Variants in KAT7 observed in about 807,000 individuals in gnomAD.
The protein encoded by KAT7 is histone acetyltransferase KAT7.
KAT7 carries 10 observed loss-of-function variants against 82.1 expected under a neutral mutation model. The ratio of observed to expected loss-of-function variants is 0.12; its 90% CI spans 0.08 to 0.21. KAT7 has a LOEUF of 0.21. Among genes scored for constraint, KAT7 ranks in the 10% least tolerant of loss-of-function variants. The pLI, the probability that KAT7 is intolerant of heterozygous loss-of-function variation, is 1.00. For missense variants in KAT7, 378 were observed against 760.9 expected, an observed-to-expected ratio of 0.50 and a Z score of 5.92; for synonymous variants, 250 against 262.5, an observed-to-expected ratio of 0.95 and a Z score of 0.46.
chr17:49,810,179 C>T (rs537244573), intron 6 of KAT7, among the ~76,000 whole-genome samples: 2 of 152,198 alleles, frequency 1.3e-5, no homozygotes, highest in Non-Finnish European at 2.9e-5. Context: ...TACCTATACC[C>T]AGTGCTTGGC....
At position 49,796,744 on chromosome 17, in the gene KAT7, G is replaced by A. The variant is rs754196229; in HGVS notation, c.164-6G>A. 46 of 1,536,164 alleles carry A rather than the reference G, an allele frequency of 3.0e-5. No individual in the cohort carries two copies. Among genetic ancestry groups the A allele is most frequent in the Non-Finnish European group, 3.9e-5 (44 of 1,135,406 alleles). On this transcript the variant is annotated splice_polypyrimidine_tract_variant and splice_region_variant and intron_variant, in intron 2 of 14. Coordinates refer to ENST00000259021, the MANE Select transcript of KAT7 (RefSeq NM_007067.5). ...TTTCTTTATTTTCTTTTAAAATTGGGATCAGATTCCAGTCCTGTTCGAAAT... is the reference window on the plus strand; with the variant it reads ...TTTCTTTATTTTCTTTTAAAATTGGAATCAGATTCCAGTCCTGTTCGAAAT...
intron 4 of KAT7, among the ~76,000 whole-genome samples, chr17:49,803,255 T>A (rs1413743677): frequency 6.7e-6 from 1 of 149,540 alleles, no homozygotes; most frequent in East Asian, 2.0e-4. Flanking sequence ...ATTACAGGCA[T>A]GCATCACCAT....
Position 49,820,747 on chromosome 17 carries a change from C to CTT in KAT7, c.1156-569_1156-568dup, listed in dbSNP as rs776024422. Among the ~76,000 whole-genome samples, 241 of 99,084 alleles carry CTT rather than the reference C, an allele frequency of 2.4e-3. 3 individuals carry two copies. The highest frequency in any genetic ancestry group is 4.2e-3 in the African/African-American group (107 of 25,568). The allele number at this position is 99,084 out of a possible 152,430, so 65.0% of individuals were successfully genotyped here. A position where few individuals can be genotyped will look rare whatever the true frequency, so the allele number is the denominator to read the frequency against. ...CCTGCTGCTCAGCTAGGCTGCTTGC[C>CTT]TTTTTTTTTTTTTTTTTTTTTTCTT... On this transcript the variant is annotated intron_variant, in intron 9 of 14. Transcript: ENST00000259021.
chr17:49,826,660 T>TTTG, intron 13 of KAT7, 33 bp from the exon 14 acceptor site: 3 of 1,490,402 alleles, frequency 2.0e-6, no homozygotes, highest in Non-Finnish European at 2.8e-6. Context: ...AACCTGCACT[T>TTTG]TGGCCAGGTT....
chr17:49,814,388 T>C (rs1190859974), intron 7 of KAT7, among the ~76,000 whole-genome samples: 1 of 152,258 alleles, frequency 6.6e-6, no homozygotes, highest in African/African-American at 2.4e-5. Flanking sequence ...TCTTGTTCAC[T>C]GTTTCCATCT....
intron 1 of KAT7, 109 bp downstream of exon 1, chr17:49,788,958 CG>C (rs1296612646): frequency 9.4e-7 from 1 of 1,064,554 alleles, no homozygotes; most frequent in East Asian, 3.1e-5. Flanking sequence ...TCCGCTCCCC[CG>C]AACCTTGTTC....
At chr17:49,795,537 G>C (rs911883299) in intron 2 of KAT7, 4 of 243,292 alleles carry the variant, frequency 1.6e-5, no homozygotes, top group Non-Finnish European at 3.5e-5. Context: ...GGAAAAAGAA[G>C]GTCAGCACTG....
intron 10 of KAT7, 87 bp from the exon 11 acceptor site, chr17:49,821,563 A>T: frequency 1.3e-6 from 2 of 1,530,270 alleles, no homozygotes; most frequent in South Asian, 2.3e-5. Flanking sequence ...GTGTTTCATT[A>T]ATAATTATGG....
rs778497579 is a variant in KAT7 at position 49,798,407 on chromosome 17, C to T, written c.429C>T (p.Ser143=). The change falls in exon 4 of 15, where the codon TCC becomes TCT. Residue 143 remains serine (S), a synonymous_variant. Coordinates refer to ENST00000259021, the MANE Select transcript of KAT7 (RefSeq NM_007067.5). ...APSSESDIDI[S]SPNVSHDESI... ...CTTCTGAGTCTGACATAGACATCTC[C>T]AGCCCCAATGTATCTCACGATGAGA... 14 of 1,614,120 alleles carry T rather than the reference C, an allele frequency of 8.7e-6. No individual in the cohort carries two copies. In the Admixed American group the frequency reaches 1.3e-4, roughly 15 times the overall value.
chr17:49,811,631 T>A (rs2074167032), intron 7 of KAT7, 57 bp downstream of exon 7: 1 of 878,450 alleles, frequency 1.1e-6, no homozygotes, highest in South Asian at 2.7e-5. Flanking sequence ...ATTTGATTCC[T>A]TTTGCTTTCT....
rs2074441910 is a variant in KAT7 at position 49,833,711 on chromosome 17, TC to T, written c.*6212del. ...CTTGAAGGTTTCAACCCCGCCAGAC[TC>T]CCAGCTGAACGCACCCTCATGAGTG... On this transcript the variant is annotated 3_prime_UTR_variant, in exon 15 of 15. Coordinates refer to ENST00000259021, the MANE Select transcript of KAT7 (RefSeq NM_007067.5). The T allele has an allele frequency of 6.6e-6, 1 of 152,206 alleles. No homozygotes were observed. The highest frequency in any genetic ancestry group is 2.4e-5 in the African/African-American group (1 of 41,448). 9.4% of individuals were successfully genotyped at this position (152,206 alleles called of 1,614,324 possible). A position where few individuals can be genotyped will look rare whatever the true frequency, so the allele number is the denominator to read the frequency against.
chr17:49,813,083 T>A (rs1300377239), intron 7 of KAT7, among the ~76,000 whole-genome samples: 1 of 150,838 alleles, frequency 6.6e-6, no homozygotes, highest in Non-Finnish European at 1.5e-5. Flanking sequence ...GTTACATAGA[T>A]CTATTGTGTG....
Position 49,796,813 on chromosome 17 carries a change from G to A in KAT7, c.227G>A (p.Arg76Lys). Residue 76 changes from arginine to lysine, a missense_variant, in exon 3 of 15, where the codon AGA becomes AAA. Physicochemically the swap from Arg to Lys is conservative, Grantham distance 26. Transcript: ENST00000259021. ...GAGGAGCCTGCTTACTCTACCAGAA[G>A]AGTGACCCGTAGTCAGCAGCAGCCT... Reference protein sequence around the residue: ...GTEEPAYSTRRVTRSQQQPTP... With the variant: ...GTEEPAYSTRKVTRSQQQPTP... 6.2e-7 allele frequency: 1 copy of A among 1,614,080 alleles called. No individual in the cohort carries two copies. The highest frequency in any genetic ancestry group is 8.5e-7 in the Non-Finnish European group (1 of 1,180,000).
chr17:49,833,792 A>G lies in KAT7; in HGVS notation c.*6290A>G. 6.6e-6 allele frequency: 1 copy of G among 152,234 alleles called. No homozygotes were observed. The highest frequency in any genetic ancestry group is 1.9e-4 in the East Asian group (1 of 5,202). The allele number at this position is 152,234 out of a possible 1,614,324, so 9.4% of individuals were successfully genotyped here. ...ACATCTAGCTGAGTCCTGTTAACCCAGAGAATTATGAGAATACTGTTTTAA... is the reference window on the plus strand; with the variant it reads ...ACATCTAGCTGAGTCCTGTTAACCCGGAGAATTATGAGAATACTGTTTTAA... On this transcript the variant is annotated 3_prime_UTR_variant, in exon 15 of 15. Coordinates refer to ENST00000259021, the MANE Select transcript of KAT7 (RefSeq NM_007067.5).
chr17:49,796,789 A>T lies in KAT7; in HGVS notation c.203A>T (p.Glu68Val), dbSNP rs769460075. 6.2e-7 allele frequency: 1 copy of T among 1,613,428 alleles called. No homozygotes were observed. The highest frequency in any genetic ancestry group is 8.5e-7 in the Non-Finnish European group (1 of 1,179,612). ...CGAAATCTGCAGTCTTTTGGCACTG[A>T]GGAGCCTGCTTACTCTACCAGAAGA... is the stretch of plus-strand genomic sequence containing the variant. Reference protein sequence around the residue: ...PVRNLQSFGTEEPAYSTRRVT... With the variant: ...PVRNLQSFGTVEPAYSTRRVT... The change falls in exon 3 of 15, where the codon GAG becomes GTG. Residue 68 changes from glutamate (E) to valine (V), a missense_variant. This residue lies in a region of KAT7 where 161 missense variants were observed against 229.6 expected (regional missense o/e 0.70). Transcript: ENST00000259021.
intron 5 of KAT7, 49 bp from the exon 6 acceptor site, chr17:49,809,070 A>G: frequency 7.1e-7 from 1 of 1,410,264 alleles, no homozygotes; most frequent in East Asian, 2.3e-5. Context: ...CTTTAAGTAA[A>G]CGTAGTCTTA....
chr17:49,826,376 G>A, intron 13 of KAT7: 1 of 511,518 alleles, frequency 2.0e-6, no homozygotes, highest in Non-Finnish European at 3.5e-6. Context: ...AAGTCAAGAA[G>A]CAAAACTTCA....
intron 6 of KAT7, among the ~76,000 whole-genome samples, chr17:49,809,623 C>G (rs1319622354): frequency 6.6e-6 from 1 of 152,204 alleles, no homozygotes; most frequent in African/African-American, 2.4e-5. Flanking sequence ...TTCTACTTAT[C>G]TCTTCCCTTG....
chr17:49,827,253 T>C (rs1415328197), intron 14 of KAT7, 148 bp from the exon 15 acceptor site: 2 of 609,024 alleles, frequency 3.3e-6, no homozygotes, highest in Admixed American at 2.9e-5. Flanking sequence ...GAAAGCAGTT[T>C]ATAAGTCAAA....
Sources: allele counts gnomAD v4.1 joint callset (sites outside exome capture counted in the v4.1 genomes callset), GRCh38; gene constraint gnomAD v4.1.1; regional missense constraint gnomAD v4.1.1; transcripts MANE v1.5; gene names NCBI Gene and HGNC (gene_info 2026-07-23, HGNC 2026-07-21).